The following GNA14 variants were observed in gnomAD, a reference collection of about 807,000 sequenced individuals.
The protein encoded by GNA14 is guanine nucleotide-binding protein subunit alpha-14.
A neutral mutation model predicts 42.0 loss-of-function variants in GNA14; 50 were observed. That is an observed-to-expected ratio of 1.19 (90% CI 0.95 to 1.51). The LOEUF (loss-of-function observed/expected upper bound fraction) is 1.51, where lower values mean the gene tolerates loss of function less well. GNA14 is among the 40% of genes most tolerant of loss of function. The pLI is 0.00. For synonymous variants in GNA14, 173 were observed against 163.1 expected, an observed-to-expected ratio of 1.06 and a Z score of -0.46; for missense variants, 473 against 446.2, an observed-to-expected ratio of 1.06 and a Z score of -0.54.
At chr9:77,617,248 CAG>C (rs936358180) in intron 1 of GNA14, among the ~76,000 whole-genome samples, 1 of 152,070 alleles carries the variant, frequency 6.6e-6, no homozygotes, top group Non-Finnish European at 1.5e-5. Flanking sequence ...TGTCTAAAAA[CAG>C]AACTGTTTGT....
chr9:77,626,211 C>T (rs1824010154), intron 1 of GNA14, among the ~76,000 whole-genome samples: 1 of 152,106 alleles, frequency 6.6e-6, no homozygotes, highest in African/African-American at 2.4e-5. Context: ...TATATATGCA[C>T]CCAATAGAGG....
chr9:77,530,297 C>A (rs985224641), intron 1 of GNA14, among the ~76,000 whole-genome samples: 2 of 152,092 alleles, frequency 1.3e-5, no homozygotes, highest in Non-Finnish European at 2.9e-5. Flanking sequence ...GTGTATGGCA[C>A]CCCTCCCTCC....
intron 2 of GNA14, among the ~76,000 whole-genome samples, chr9:77,438,094 T>C (rs533132704): frequency 1.3e-5 from 2 of 152,240 alleles, no homozygotes; most frequent in African/African-American, 2.4e-5. Context: ...GGAAGACATA[T>C]TGTCTGTTTA....
intron 2 of GNA14, among the ~76,000 whole-genome samples, chr9:77,454,273 C>T (rs1294352804): frequency 6.6e-6 from 1 of 152,232 alleles, no homozygotes; most frequent in Non-Finnish European, 1.5e-5. Context: ...AGGAGGAAGT[C>T]TCAGATTCTA....
intron 2 of GNA14, among the ~76,000 whole-genome samples, chr9:77,513,095 G>A (rs1334105353): frequency 6.6e-6 from 1 of 152,200 alleles, no homozygotes; most frequent in African/African-American, 2.4e-5. Context: ...ACTGACAGTT[G>A]TGTAAGCCAG....
At chr9:77,572,324 T>G (rs1354011333) in intron 1 of GNA14, among the ~76,000 whole-genome samples, 2 of 152,222 alleles carry the variant, frequency 1.3e-5, no homozygotes, top group African/African-American at 4.8e-5. Flanking sequence ...TTATGTAGAC[T>G]GAGAAATAAT....
At chr9:77,446,662 G>T (rs969664127) in intron 2 of GNA14, among the ~76,000 whole-genome samples, 2 of 152,124 alleles carry the variant, frequency 1.3e-5, no homozygotes, top group Non-Finnish European at 2.9e-5. Context: ...AAGGTGATGG[G>T]GATCTGGATT....
chr9:77,472,197 G>T lies in GNA14; in HGVS notation c.310-37675C>A, dbSNP rs113007175. On this transcript the variant is annotated intron_variant, in intron 2 of 6. Coordinates refer to ENST00000341700, the MANE Select transcript of GNA14 (RefSeq NM_004297.4). ...TCTGTGCACTACGACTTCTGATAAA[G>T]TGTCATACTTTGGAAAATGGACGAC... 2.2e-3 allele frequency among the ~76,000 whole-genome samples: 329 copies of T among 152,298 alleles called. 1 individual carries two copies. Among genetic ancestry groups the T allele is most frequent in the African/African-American group, 7.6e-3 (316 of 41,558 alleles).
At chr9:77,568,561 A>G (rs1823009473) in intron 1 of GNA14, among the ~76,000 whole-genome samples, 1 of 152,172 alleles carries the variant, frequency 6.6e-6, no homozygotes, top group Non-Finnish European at 1.5e-5. Flanking sequence ...GTAAAAAAGT[A>G]TACAAGTTAA....
At chr9:77,588,732 T>C (rs1823343876) in intron 1 of GNA14, among the ~76,000 whole-genome samples, 1 of 152,236 alleles carries the variant, frequency 6.6e-6, no homozygotes, top group Non-Finnish European at 1.5e-5. Context: ...ACTCTCCTAC[T>C]GTCAAACCTG....
At chr9:77,494,886 G>C (rs1282316510) in intron 2 of GNA14, among the ~76,000 whole-genome samples, 5 of 152,094 alleles carry the variant, frequency 3.3e-5, no homozygotes, top group Admixed American at 3.3e-4. Context: ...TGCAACCTCT[G>C]TCTCCAGGGT....
chr9:77,568,050 G>A (rs932772201), intron 1 of GNA14, among the ~76,000 whole-genome samples: 10 of 152,186 alleles, frequency 6.6e-5, no homozygotes, highest in African/African-American at 2.2e-4. Flanking sequence ...AAGAGGTGGG[G>A]TGGGTGGTAA....
chr9:77,544,946 A>G (rs1837703251), intron 1 of GNA14, among the ~76,000 whole-genome samples: 1 of 152,206 alleles, frequency 6.6e-6, no homozygotes, highest in African/African-American at 2.4e-5. Flanking sequence ...CTAACACTAC[A>G]GCAGTTAACA....
intron 1 of GNA14, among the ~76,000 whole-genome samples, chr9:77,554,426 C>T (rs1179003076): frequency 6.6e-6 from 1 of 152,106 alleles, no homozygotes; most frequent in African/African-American, 2.4e-5. Context: ...AAAGTTCAAA[C>T]CTAAGAATTT....
chr9:77,613,568 G>A (rs1208041110), intron 1 of GNA14, among the ~76,000 whole-genome samples: 1 of 152,200 alleles, frequency 6.6e-6, no homozygotes, highest in Non-Finnish European at 1.5e-5. Flanking sequence ...AAAGGGGCAG[G>A]AGGAAATTTG....
chr9:77,490,568 C>T (rs1246181282), intron 2 of GNA14, among the ~76,000 whole-genome samples: 5 of 152,232 alleles, frequency 3.3e-5, no homozygotes, highest in Non-Finnish European at 5.9e-5. Flanking sequence ...TTGAACACAG[C>T]GCGGGTGGGC....
At chr9:77,510,166 TTCTC>T (rs1837137370) in intron 2 of GNA14, among the ~76,000 whole-genome samples, 1 of 152,302 alleles carries the variant, frequency 6.6e-6, no homozygotes, top group South Asian at 2.1e-4. Flanking sequence ...AGTCTTCTTT[TTCTC>T]TCTATTGATT....
At chr9:77,479,877 T>G (rs1157842591) in intron 2 of GNA14, among the ~76,000 whole-genome samples, 3 of 152,104 alleles carry the variant, frequency 2.0e-5, no homozygotes, top group African/African-American at 7.2e-5. Context: ...ATAAGAATGC[T>G]TGTGATTTTT....
chr9:77,622,871 G>C (rs1439562272), intron 1 of GNA14, among the ~76,000 whole-genome samples: 1 of 148,020 alleles, frequency 6.8e-6, no homozygotes, highest in African/African-American at 2.5e-5. Flanking sequence ...TCCATCCTGG[G>C]TGACAGAGTG....
Sources: allele counts gnomAD v4.1 joint callset (sites outside exome capture counted in the v4.1 genomes callset), GRCh38; gene constraint gnomAD v4.1.1; transcripts MANE v1.5; gene names NCBI Gene and HGNC (gene_info 2026-07-23, HGNC 2026-07-21).